Variants in DIS3L2 observed in about 807,000 individuals in gnomAD.
The protein encoded by DIS3L2 is DIS3-like exonuclease 2.
DIS3L2 carries 34 observed loss-of-function variants against 97.5 expected under a neutral mutation model. The observed-to-expected ratio is 0.35, with a 90% CI of 0.27 to 0.46. The LOEUF (loss-of-function observed/expected upper bound fraction) is 0.46, where lower values mean the gene tolerates loss of function less well. Ranked by LOEUF, DIS3L2 falls within the 20% of genes least tolerant of loss-of-function variation. The pLI is 1.00. For synonymous variants in DIS3L2, 435 were observed against 445.2 expected (o/e 0.98, Z 0.29); for missense variants, 1,038 against 1,146.0 (o/e 0.91, Z 1.36).
intron 13 of DIS3L2, among the ~76,000 whole-genome samples, chr2:232,280,624 A>G (rs1445748268): frequency 2.0e-5 from 3 of 152,202 alleles, no homozygotes; most frequent in Non-Finnish European, 4.4e-5. Flanking sequence ...CTGGAGTGTA[A>G]TGTGGTGGGA....
intron 6 of DIS3L2, among the ~76,000 whole-genome samples, chr2:232,116,520 CT>C (rs1191133559): frequency 6.6e-6 from 1 of 152,228 alleles, no homozygotes; most frequent in African/African-American, 2.4e-5. Context: ...TCCCGTTCTC[CT>C]TAGAGAATTC....
intron 1 of DIS3L2, among the ~76,000 whole-genome samples, chr2:231,972,904 A>G (rs1357632400): frequency 6.6e-6 from 1 of 152,086 alleles, no homozygotes; most frequent in Admixed American, 6.6e-5. Flanking sequence ...TTCTTATTCT[A>G]TTTATATATT....
intron 5 of DIS3L2, among the ~76,000 whole-genome samples, chr2:232,063,902 C>T (rs1446088752): frequency 6.6e-6 from 1 of 151,996 alleles, no homozygotes; most frequent in African/African-American, 2.4e-5. Flanking sequence ...ATAAATATTT[C>T]TTGGATTTTA....
At chr2:232,117,784 C>A (rs1184787603) in intron 6 of DIS3L2, among the ~76,000 whole-genome samples, 1 of 152,206 alleles carries the variant, frequency 6.6e-6, no homozygotes, top group African/African-American at 2.4e-5. Context: ...CCACCTAGTT[C>A]GCCATCTCCT....
intron 1 of DIS3L2, among the ~76,000 whole-genome samples, chr2:231,970,082 A>AGG (rs1692851422): frequency 2.0e-5 from 3 of 151,896 alleles, no homozygotes; most frequent in Admixed American, 6.6e-5. Context: ...AGTAGCTGGG[A>AGG]CCACATACTA....
At chr2:232,235,177 G>C (rs1235258341) in intron 10 of DIS3L2, among the ~76,000 whole-genome samples, 1 of 152,174 alleles carries the variant, frequency 6.6e-6, no homozygotes, top group African/African-American at 2.4e-5. Context: ...TGCTCTAAAT[G>C]CTCTTTAAAC....
intron 5 of DIS3L2, among the ~76,000 whole-genome samples, chr2:232,075,284 T>C (rs1696151180): frequency 6.6e-6 from 1 of 152,170 alleles, no homozygotes; most frequent in Admixed American, 6.5e-5. Context: ...TCACCCAGGG[T>C]CATTGGGTGG....
chr2:232,117,172 G>A (rs1282966116), intron 6 of DIS3L2, among the ~76,000 whole-genome samples: 1 of 152,092 alleles, frequency 6.6e-6, no homozygotes. Flanking sequence ...ATGCTCTCTG[G>A]GCCGACCCTG....
chr2:232,334,081 G>A lies in DIS3L2; in HGVS notation c.2158+94G>A, dbSNP rs570507865. The A allele has an allele frequency of 5.7e-5, 86 of 1,499,556 alleles. No individual in the cohort carries two copies. In the African/African-American group the frequency reaches 6.5e-4, roughly 11 times the overall value. 92.9% of individuals were successfully genotyped at this position (1,499,556 alleles called of 1,614,324 possible). A position where few individuals can be genotyped will look rare whatever the true frequency, so the allele number is the denominator to read the frequency against. ...CTCAGTGGCCCAAGACCATTCTGCC[G>A]TGACAGCGGAGGTCCAAGGGTCGGG... On this transcript the variant is annotated intron_variant, in intron 17 of 20. Coordinates refer to ENST00000325385, the MANE Select transcript of DIS3L2 (RefSeq NM_152383.5).
intron 8 of DIS3L2, among the ~76,000 whole-genome samples, chr2:232,160,222 C>T (rs1690610658): frequency 6.6e-6 from 1 of 152,258 alleles, no homozygotes; most frequent in East Asian, 1.9e-4. Context: ...GTAGAATTCA[C>T]CAGTGAAGCC....
chr2:232,161,993 G>A (rs1352865214), intron 8 of DIS3L2, among the ~76,000 whole-genome samples: 2 of 151,984 alleles, frequency 1.3e-5, no homozygotes, highest in Non-Finnish European at 2.9e-5. Context: ...GGATGGTCTC[G>A]ATCTCCTGAC....
rs1574812741 is a variant in DIS3L2, at chr2:232,015,579, A to G, written c.118A>G (p.Arg40Gly). Residue 40 changes from arginine to glycine, a missense_variant, in exon 3 of 21, where the codon AGG (arginine) becomes GGG (glycine). Arg to Gly is a moderately radical substitution (Grantham distance 125, BLOSUM62 -2). This residue lies in a region of DIS3L2 where 813 missense variants were observed against 880.1 expected (regional missense o/e 0.92). Transcript: ENST00000325385. ...ASPGDKKSKN[R>G]STRGKKKSIF... Reference sequence around the variant, plus strand: ...GCCAGGTGACAAAAAGTCAAAGAACAGGTCCACACGAGGGAAGAAAAAGAG... The same window carrying G: ...GCCAGGTGACAAAAAGTCAAAGAACGGGTCCACACGAGGGAAGAAAAAGAG... 5 of 1,614,126 alleles carry G rather than the reference A, an allele frequency of 3.1e-6. No individual in the cohort carries two copies. Among genetic ancestry groups the G allele is most frequent in the South Asian group, 1.1e-5 (1 of 91,080 alleles).
At chr2:231,985,266 C>T (rs1693378389) in intron 1 of DIS3L2, among the ~76,000 whole-genome samples, 1 of 152,200 alleles carries the variant, frequency 6.6e-6, no homozygotes, top group Non-Finnish European at 1.5e-5. Context: ...CTCCCTAACC[C>T]CATCTAAGCA....
Position 232,239,870 on chromosome 2 carries a change from T to A in DIS3L2, c.1317+1225T>A, listed in dbSNP as rs190453079. Reference sequence around the variant, plus strand: ...GAGTTCCTCTCATGTTTTCAACTTGTCCACCCTGAAAACTAACCTCTCAAA... The same window carrying A: ...GAGTTCCTCTCATGTTTTCAACTTGACCACCCTGAAAACTAACCTCTCAAA... On this transcript the variant is annotated intron_variant, in intron 11 of 20. Coordinates refer to ENST00000325385, the MANE Select transcript of DIS3L2 (RefSeq NM_152383.5). 8.5e-5 allele frequency among the ~76,000 whole-genome samples: 13 copies of A among 152,372 alleles called. No individual in the cohort carries two copies. In the East Asian group the frequency reaches 2.5e-3, roughly 29 times the overall value.
chr2:232,126,324 A>G (rs1193878448), intron 6 of DIS3L2, among the ~76,000 whole-genome samples: 3 of 152,238 alleles, frequency 2.0e-5, no homozygotes, highest in African/African-American at 7.2e-5. Context: ...ATTAAATCCT[A>G]AAATATCAGT....
intron 16 of DIS3L2, among the ~76,000 whole-genome samples, chr2:232,333,122 C>T (rs879823464): frequency 1.3e-5 from 2 of 151,278 alleles, no homozygotes; most frequent in South Asian, 2.1e-4. Context: ...TTGTCCTCCT[C>T]GACCACCACC....
At chr2:232,018,609 A>G (rs1207258543) in intron 3 of DIS3L2, among the ~76,000 whole-genome samples, 1 of 152,134 alleles carries the variant, frequency 6.6e-6, no homozygotes, top group Non-Finnish European at 1.5e-5. Flanking sequence ...GATACTTAGA[A>G]ACTTTTGTTA....
chr2:231,985,675 C>A (rs1412104173), intron 1 of DIS3L2, among the ~76,000 whole-genome samples: 2 of 152,330 alleles, frequency 1.3e-5, no homozygotes, highest in Admixed American at 1.3e-4. Context: ...TCCATACACA[C>A]ACAAATATAA....
In DIS3L2 at chr2:232,210,554, A is replaced by C. The variant is rs148850830; in HGVS notation, c.1204+149A>C. ...ACTTGCCATAGGCCTCTGAGCCTTTACAACTATGTGACCTTAAGATTGTGT... is the reference window on the plus strand; with the variant it reads ...ACTTGCCATAGGCCTCTGAGCCTTTCCAACTATGTGACCTTAAGATTGTGT... On this transcript the variant is annotated intron_variant, in intron 10 of 20. Coordinates refer to ENST00000325385, the MANE Select transcript of DIS3L2 (RefSeq NM_152383.5). 116 of 669,034 alleles carry C rather than the reference A, an allele frequency of 1.7e-4. No individual in the cohort carries two copies. In the East Asian group the frequency reaches 3.1e-3, roughly 18 times the overall value. 41.4% of individuals were successfully genotyped at this position (669,034 alleles called of 1,614,324 possible). A position where few individuals can be genotyped will look rare whatever the true frequency, so the allele number is the denominator to read the frequency against.
Sources: allele counts gnomAD v4.1 joint callset (sites outside exome capture counted in the v4.1 genomes callset), GRCh38; gene constraint gnomAD v4.1.1; regional missense constraint gnomAD v4.1.1; transcripts MANE v1.5; gene names NCBI Gene and HGNC (gene_info 2026-07-23, HGNC 2026-07-21).